VTA1: variants seen among roughly 807,000 people sequenced by gnomAD.
VTA1 encodes vacuolar protein sorting-associated protein VTA1 homolog.
Under a neutral mutation model 36.9 loss-of-function variants are expected in VTA1, and 24 were observed. The ratio of observed to expected loss-of-function variants is 0.65; its 90% CI spans 0.47 to 0.91. VTA1 has a LOEUF of 0.91. Ranked by LOEUF, VTA1 falls within the 40% of genes least tolerant of loss-of-function variation. The probability of loss-of-function intolerance (pLI) is 0.00; values close to 1 mark genes in which losing one functional copy is unlikely to be tolerated. For synonymous variants in VTA1, 142 were observed against 130.2 expected, an observed-to-expected ratio of 1.09 and a Z score of -0.62; for missense variants, 393 against 377.2, an observed-to-expected ratio of 1.04 and a Z score of -0.35.
chr6:142,189,303 C>G (rs956958381), intron 4 of VTA1, 123 bp from the exon 5 acceptor site: 35 of 709,126 alleles, frequency 4.9e-5, no homozygotes, highest in Middle Eastern at 5.9e-4. Context: ...TTGCCAGTTT[C>G]TTTTAGAGCT....
chr6:142,161,078 T>TCCC (rs112484201), intron 1 of VTA1, among the ~76,000 whole-genome samples: 1,194 of 115,100 alleles, frequency 0.01, 12 homozygotes, highest in East Asian at 0.021. Flanking sequence ...CTTCCTTCCT[T>TCCC]CCCCCCCCCC....
chr6:142,196,155 C>T (rs1775548585), intron 5 of VTA1, among the ~76,000 whole-genome samples: 1 of 152,132 alleles, frequency 6.6e-6, no homozygotes, highest in Admixed American at 6.5e-5. Context: ...TATGGAACAT[C>T]CCACTATATC....
intron 4 of VTA1, among the ~76,000 whole-genome samples, chr6:142,172,261 G>A (rs947637588): frequency 9.9e-5 from 15 of 152,084 alleles, no homozygotes; most frequent in African/African-American, 3.6e-4. Flanking sequence ...CACCTGCCTC[G>A]GCCTCCCAAA....
At chr6:142,181,092 A>AT (rs1201647610) in intron 4 of VTA1, among the ~76,000 whole-genome samples, 1,833 of 41,040 alleles carry the variant, frequency 0.045, 10 homozygotes, top group African/African-American at 0.068. Flanking sequence ...AAAAAAAAAA[A>AT]AAATATATAT....
chr6:142,153,895 G>A (rs888175156), intron 1 of VTA1, among the ~76,000 whole-genome samples: 1 of 152,106 alleles, frequency 6.6e-6, no homozygotes, highest in Non-Finnish European at 1.5e-5. Context: ...GAGAGATTCT[G>A]TGTACCCTTT....
At chr6:142,164,162 T>A (rs548642727) in intron 1 of VTA1, among the ~76,000 whole-genome samples, 1 of 152,112 alleles carries the variant, frequency 6.6e-6, no homozygotes, top group Non-Finnish European at 1.5e-5. Context: ...TTTGGGAAAT[T>A]TTGGCAATAC....
chr6:142,206,632 A>G (rs914295989), intron 7 of VTA1, among the ~76,000 whole-genome samples: 4 of 152,194 alleles, frequency 2.6e-5, no homozygotes, highest in Admixed American at 1.3e-4. Flanking sequence ...GACCCAGAAT[A>G]ATCAACGTAG....
At chr6:142,217,381 C>T (rs1352677673) in intron 7 of VTA1, among the ~76,000 whole-genome samples, 1 of 152,020 alleles carries the variant, frequency 6.6e-6, no homozygotes, top group African/African-American at 2.4e-5. Flanking sequence ...CCTGCAGGTG[C>T]CTGGCACTGT....
At chr6:142,205,634 C>G (rs780370396) in intron 7 of VTA1, among the ~76,000 whole-genome samples, 1 of 152,016 alleles carries the variant, frequency 6.6e-6, no homozygotes, top group Non-Finnish European at 1.5e-5. Context: ...AAGAAAGATT[C>G]TATGATAGCT....
chr6:142,161,977 G>C (rs1420422663), intron 1 of VTA1, among the ~76,000 whole-genome samples: 1 of 152,244 alleles, frequency 6.6e-6, no homozygotes, highest in East Asian at 1.9e-4. Context: ...TTTTAATGCT[G>C]AGAGGATCCA....
At chr6:142,189,812 A>C (rs1775416546) in intron 5 of VTA1, among the ~76,000 whole-genome samples, 1 of 151,830 alleles carries the variant, frequency 6.6e-6, no homozygotes, top group African/African-American at 2.4e-5. Context: ...GCTGGAGTGC[A>C]GTGGCGCAGT....
At chr6:142,197,412 CTTTTA>C (rs1169430985) in intron 5 of VTA1, among the ~76,000 whole-genome samples, 12 of 152,130 alleles carry the variant, frequency 7.9e-5, no homozygotes, top group Admixed American at 6.5e-4. Flanking sequence ...CTCTAGCTTG[CTTTTA>C]TTTTAAGTTA....
intron 4 of VTA1, among the ~76,000 whole-genome samples, chr6:142,174,932 T>C (rs1027063249): frequency 5.9e-5 from 9 of 152,156 alleles, no homozygotes; most frequent in Admixed American, 5.9e-4. Flanking sequence ...GCCAAGCAGA[T>C]GCTGGGCCCA....
intron 1 of VTA1, among the ~76,000 whole-genome samples, chr6:142,157,431 C>T (rs1000876072): frequency 1.1e-4 from 17 of 152,234 alleles, no homozygotes; most frequent in Admixed American, 2.0e-4. Context: ...CTGATTTATC[C>T]ATTAGCCTTC....
At chr6:142,186,242 T>C (rs1038930488) in intron 4 of VTA1, among the ~76,000 whole-genome samples, 1 of 151,844 alleles carries the variant, frequency 6.6e-6, no homozygotes, top group African/African-American at 2.4e-5. Context: ...CAGAAAAAAA[T>C]GCATAGCTGG....
chr6:142,180,415 C>A (rs1775205299), intron 4 of VTA1, among the ~76,000 whole-genome samples: 1 of 152,030 alleles, frequency 6.6e-6, no homozygotes, highest in Non-Finnish European at 1.5e-5. Flanking sequence ...CAGACTGATA[C>A]ATATGAAGAA....
chr6:142,155,014 A>G (rs1481933058), intron 1 of VTA1, among the ~76,000 whole-genome samples: 2 of 152,062 alleles, frequency 1.3e-5, no homozygotes, highest in African/African-American at 4.8e-5. Context: ...ATATTTCTCA[A>G]TTTCTTCCAT....
Position 142,170,370 on chromosome 6 carries a change from T to C in VTA1, c.360T>C (p.Thr120=), listed in dbSNP as rs770236521. The C allele has an allele frequency of 1.9e-6, 3 of 1,608,954 alleles. No individual in the cohort carries two copies. The highest frequency in any genetic ancestry group is 2.5e-6 in the Non-Finnish European group (3 of 1,177,738). ...GAAACATGATCAAGTCCTTCTATACTGCAAGTCTTTTGATAGATGTCATAA... is the reference window on the plus strand; with the variant it reads ...GAAACATGATCAAGTCCTTCTATACCGCAAGTCTTTTGATAGATGTCATAA... The part of the protein sequence containing the change: ...FHKNMIKSFY[T]ASLLIDVITV... The change falls in exon 4 of 8, where the codon ACT becomes ACC. Residue 120 remains threonine (T), a synonymous_variant. Transcript: ENST00000367630.
At chr6:142,150,881 C>G (rs1778554557) in intron 1 of VTA1, among the ~76,000 whole-genome samples, 1 of 149,504 alleles carries the variant, frequency 6.7e-6, no homozygotes, top group South Asian at 2.1e-4. Context: ...CATTGCACTC[C>G]AGCCTGGGCA....
Sources: allele counts gnomAD v4.1 joint callset (sites outside exome capture counted in the v4.1 genomes callset), GRCh38; gene constraint gnomAD v4.1.1; transcripts MANE v1.5; gene names NCBI Gene and HGNC (gene_info 2026-07-23, HGNC 2026-07-21).